GOLIM4: variants seen among roughly 807,000 people sequenced by gnomAD.
The protein encoded by GOLIM4 is 130 kDa golgi-localized phosphoprotein.
Under a neutral mutation model 107.4 loss-of-function variants are expected in GOLIM4, and 71 were observed. The observed-to-expected ratio is 0.66, with a 90% CI of 0.55 to 0.81. GOLIM4 has a LOEUF of 0.81. Among genes scored for constraint, GOLIM4 ranks in the 30% least tolerant of loss-of-function variants. The pLI is 0.00. For missense variants in GOLIM4, 830 were observed against 826.1 expected (o/e 1.00, Z -0.06); for synonymous variants, 327 against 294.8 (o/e 1.11, Z -1.12).
At chr3:168,022,161 G>T (rs1717731289) in intron 14 of GOLIM4, among the ~76,000 whole-genome samples, 1 of 151,912 alleles carries the variant, frequency 6.6e-6, no homozygotes, top group South Asian at 2.1e-4. Flanking sequence ...AAGTTTGATG[G>T]GCTATACCTC....
At chr3:168,066,859 T>A (rs1022332762) in intron 1 of GOLIM4, among the ~76,000 whole-genome samples, 7 of 152,096 alleles carry the variant, frequency 4.6e-5, no homozygotes, top group African/African-American at 1.4e-4. Context: ...TTTTGGTGAT[T>A]TAGTATGGTC....
chr3:168,026,458 T>C (rs1018844698), intron 12 of GOLIM4, among the ~76,000 whole-genome samples: 1 of 152,080 alleles, frequency 6.6e-6, no homozygotes, highest in Non-Finnish European at 1.5e-5. Flanking sequence ...GAGGAACAAG[T>C]GGGATTAACC....
intron 9 of GOLIM4, 64 bp downstream of exon 9, chr3:168,032,456 T>C: frequency 9.4e-7 from 1 of 1,067,124 alleles, no homozygotes. Flanking sequence ...ATTACCTTAA[T>C]ATGTAAAAAT....
chr3:168,058,122 T>A (rs1720077747), intron 1 of GOLIM4, among the ~76,000 whole-genome samples: 1 of 152,230 alleles, frequency 6.6e-6, no homozygotes. Flanking sequence ...ATTAACTATT[T>A]TTTTACTGCC....
chr3:168,043,625 A>G (rs1427875348), intron 4 of GOLIM4, 96 bp from the exon 5 acceptor site: 18 of 948,618 alleles, frequency 1.9e-5, no homozygotes, highest in Non-Finnish European at 2.5e-5. Context: ...AATGAAAGCA[A>G]GCAAGCACAA....
chr3:168,084,689 G>A (rs1191246579), intron 1 of GOLIM4, among the ~76,000 whole-genome samples: 1 of 152,156 alleles, frequency 6.6e-6, no homozygotes, highest in Non-Finnish European at 1.5e-5. Context: ...AACTAATATA[G>A]ATTTTGAAAT....
At position 168,032,787 on chromosome 3, in the gene GOLIM4, T is replaced by C; in HGVS notation, c.909A>G (p.Lys303=). 1 of 1,613,870 alleles carries C rather than the reference T, an allele frequency of 6.2e-7. No homozygotes were observed. Among genetic ancestry groups the C allele is most frequent in the South Asian group, 1.1e-5 (1 of 91,048 alleles). ...EAVPGRAEDT[K]LYAPTHKEAE... is the part of the protein sequence containing the mutation. ...CCTCCTTATGGGTGGGAGCATAGAG[T>C]TTTGTGTCTTCTGCTCTTCCAGGAA... The change falls in exon 9 of 16, where the codon AAA becomes AAG. Residue 303 remains lysine, a synonymous_variant. Transcript: ENST00000470487.
At chr3:168,089,267 G>A (rs536468811) in intron 1 of GOLIM4, among the ~76,000 whole-genome samples, 3 of 152,200 alleles carry the variant, frequency 2.0e-5, no homozygotes, top group Non-Finnish European at 4.4e-5. Context: ...CTTCAGTGAA[G>A]ATGTCCATTT....
chr3:168,063,987 T>C (rs1720414691), intron 1 of GOLIM4, among the ~76,000 whole-genome samples: 1 of 152,222 alleles, frequency 6.6e-6, no homozygotes, highest in Admixed American at 6.5e-5. Flanking sequence ...TGGAGGATTT[T>C]GTGAAAGTTT....
chr3:168,077,708 C>T (rs59296954), intron 1 of GOLIM4, among the ~76,000 whole-genome samples: 1 of 152,128 alleles, frequency 6.6e-6, no homozygotes, highest in East Asian at 1.9e-4. Context: ...ATTTACCTCT[C>T]CTCAACTAAT....
chr3:168,075,286 GTTTTTTTTTTT>G (rs374374393), intron 1 of GOLIM4, among the ~76,000 whole-genome samples: 23,301 of 93,944 alleles, frequency 0.25, 1,763 homozygotes, highest in Middle Eastern at 0.35. Context: ...ACATTCACTA[GTTTTTTTTTTT>G]TTTTTTTTTT....
chr3:168,031,442 T>C (rs1207201765), intron 9 of GOLIM4, among the ~76,000 whole-genome samples: 1 of 152,198 alleles, frequency 6.6e-6, no homozygotes, highest in East Asian at 1.9e-4. Context: ...TTTCAAAATA[T>C]CGCCCATACT....
chr3:168,082,645 G>C (rs548840634), intron 1 of GOLIM4, among the ~76,000 whole-genome samples: 2 of 152,078 alleles, frequency 1.3e-5, no homozygotes, highest in Non-Finnish European at 2.9e-5. Flanking sequence ...AACATGCAGG[G>C]AATTTTCCTC....
chr3:168,054,762 G>A (rs75807208), intron 1 of GOLIM4, among the ~76,000 whole-genome samples: 1,821 of 152,072 alleles, frequency 0.012, 35 homozygotes, highest in African/African-American at 0.042. Context: ...TCTCATTATC[G>A]TATCCCTGTG....
chr3:168,060,749 T>A (rs1438505553), intron 1 of GOLIM4, among the ~76,000 whole-genome samples: 1 of 152,164 alleles, frequency 6.6e-6, no homozygotes, highest in East Asian at 1.9e-4. Flanking sequence ...ATCTACTGAA[T>A]CCGAATTTAC....
At chr3:168,029,092 T>A in intron 11 of GOLIM4, 131 bp downstream of exon 11, 1 of 555,118 alleles carries the variant, frequency 1.8e-6, no homozygotes, top group Non-Finnish European at 3.2e-6. Flanking sequence ...GAAAAAGACA[T>A]GATTCACAAA....
At chr3:168,092,046 C>T (rs890635132) in intron 1 of GOLIM4, among the ~76,000 whole-genome samples, 2 of 152,188 alleles carry the variant, frequency 1.3e-5, no homozygotes, top group Admixed American at 1.3e-4. Context: ...TTCCACCCCC[C>T]ATAGACTGTT....
chr3:168,092,521 G>A (rs1721966633), intron 1 of GOLIM4, among the ~76,000 whole-genome samples: 1 of 152,018 alleles, frequency 6.6e-6, no homozygotes, highest in Non-Finnish European at 1.5e-5. Context: ...CTTAACGAAC[G>A]CACATCATCA....
chr3:168,039,353 C>T (rs1192401065), intron 7 of GOLIM4, among the ~76,000 whole-genome samples: 3 of 151,642 alleles, frequency 2.0e-5, no homozygotes, highest in Admixed American at 6.6e-5. Flanking sequence ...GCCTCCGCCC[C>T]GCTGGGTTCC....
Sources: gnomAD v4.1 joint callset for allele counts (sites outside exome capture counted in the v4.1 genomes callset) on GRCh38, gnomAD v4.1.1 for gene constraint, MANE v1.5 for transcripts, NCBI Gene and HGNC (gene_info 2026-07-23, HGNC 2026-07-21) for gene names.